CNTN4: variants seen among roughly 807,000 people sequenced by gnomAD.
CNTN4 encodes the protein contactin-4.
In CNTN4, 77 loss-of-function variants were observed where a neutral mutation model predicts 122.5. The observed-to-expected ratio is 0.63, with a 90% CI of 0.52 to 0.76. The LOEUF (loss-of-function observed/expected upper bound fraction) is 0.76, where lower values mean the gene tolerates loss of function less well. Ranked by LOEUF, CNTN4 falls within the 30% of genes least tolerant of loss-of-function variation. The pLI, the probability that CNTN4 is intolerant of heterozygous loss-of-function variation, is 0.00. For synonymous variants in CNTN4, 512 were observed against 447.0 expected (o/e 1.15, Z -1.83); for missense variants, 1,256 against 1,259.1 (o/e 1.00, Z 0.04).
chr3:2,535,852 C>G (rs1180347831), intron 3 of CNTN4, among the ~76,000 whole-genome samples: 4 of 152,130 alleles, frequency 2.6e-5, no homozygotes, highest in Admixed American at 2.6e-4. Flanking sequence ...CAGTAGTACA[C>G]TTTCAAAATG....
At chr3:2,414,687 T>C (rs539135062) in intron 3 of CNTN4, among the ~76,000 whole-genome samples, 2 of 152,276 alleles carry the variant, frequency 1.3e-5, no homozygotes, top group East Asian at 3.9e-4. Context: ...TTTCCCAAAA[T>C]TATCATACCT....
intron 3 of CNTN4, among the ~76,000 whole-genome samples, chr3:2,407,022 T>A (rs919676191): frequency 6.6e-6 from 1 of 152,180 alleles, no homozygotes; most frequent in African/African-American, 2.4e-5. Context: ...TTATTAGGAT[T>A]TTTTTACATG....
Position 2,182,765 on chromosome 3 carries a change from A to T in CNTN4, c.-145+82126A>T, listed in dbSNP as rs185152634. Among the ~76,000 whole-genome samples, 95 of 152,082 alleles carry T rather than the reference A, an allele frequency of 6.2e-4. 1 individual carries two copies. The highest frequency in any genetic ancestry group is 2.2e-3 in the African/African-American group (91 of 41,536). On this transcript the variant is annotated intron_variant, in intron 2 of 24. Coordinates refer to ENST00000418658, the MANE Select transcript of CNTN4 (RefSeq NM_175607.3). ...GCTATTTTCCAAGCAAAACTTCCGC[A>T]TAAGTTTGTTTTTGTCTTGGTTGAG...
intron 7 of CNTN4, among the ~76,000 whole-genome samples, chr3:2,859,424 T>C (rs2093650212): frequency 6.6e-6 from 1 of 152,204 alleles, no homozygotes; most frequent in African/African-American, 2.4e-5. Context: ...AGTTTCATAA[T>C]ATAGGGAAAC....
chr3:2,106,010 G>A (rs1339152391), intron 2 of CNTN4, among the ~76,000 whole-genome samples: 1 of 152,208 alleles, frequency 6.6e-6, no homozygotes, highest in African/African-American at 2.4e-5. Flanking sequence ...CTGAAACCAG[G>A]CGGGGCAGTT....
At chr3:2,301,525 T>C (rs1359102951) in intron 2 of CNTN4, among the ~76,000 whole-genome samples, 1 of 152,254 alleles carries the variant, frequency 6.6e-6, no homozygotes, top group Non-Finnish European at 1.5e-5. Context: ...TTGTTCTTTT[T>C]CATACCAGAG....
chr3:2,457,826 C>T (rs1439868576), intron 3 of CNTN4, among the ~76,000 whole-genome samples: 1 of 152,102 alleles, frequency 6.6e-6, no homozygotes, highest in Non-Finnish European at 1.5e-5. Flanking sequence ...GTTTACATCC[C>T]AAGTGTGAGA....
chr3:2,605,218 TTTTGAACTCCTGGTCTAAAGTG>T (rs1442323956), intron 4 of CNTN4, among the ~76,000 whole-genome samples: 5 of 152,132 alleles, frequency 3.3e-5, no homozygotes, highest in Non-Finnish European at 7.4e-5. Context: ...ACAAGGCTGG[TTTTGAACTCCTGGTCTAAAGTG>T]TTCCCGAGTT....
chr3:2,171,678 T>C (rs2036521498), intron 2 of CNTN4, among the ~76,000 whole-genome samples: 1 of 152,156 alleles, frequency 6.6e-6, no homozygotes, highest in Admixed American at 6.5e-5. Context: ...AAAGCGCAGG[T>C]AAGTACACTC....
At chr3:2,489,822 A>G (rs2076264207) in intron 3 of CNTN4, among the ~76,000 whole-genome samples, 3 of 152,020 alleles carry the variant, frequency 2.0e-5, no homozygotes, top group Admixed American at 6.6e-5. Context: ...CCCTTCCAAC[A>G]TTCTCTGTTT....
At chr3:2,600,977 C>T (rs559529579) in intron 4 of CNTN4, among the ~76,000 whole-genome samples, 24 of 152,172 alleles carry the variant, frequency 1.6e-4, no homozygotes, top group Admixed American at 1.1e-3. Flanking sequence ...TTTCATGTGT[C>T]TGTTGGCTGC....
intron 3 of CNTN4, chr3:2,362,412 A>G: frequency 5.6e-6 from 2 of 356,774 alleles, no homozygotes; most frequent in Non-Finnish European, 5.5e-6. Flanking sequence ...GTGTAGCCCC[A>G]ACCATCTTCT....
At chr3:2,354,629 T>C (rs1267822658) in intron 3 of CNTN4, among the ~76,000 whole-genome samples, 1 of 152,180 alleles carries the variant, frequency 6.6e-6, no homozygotes, top group Non-Finnish European at 1.5e-5. Context: ...AGCAACTATT[T>C]GCAGTGAAGT....
At chr3:2,873,402 G>A (rs2093808022) in intron 8 of CNTN4, among the ~76,000 whole-genome samples, 1 of 152,170 alleles carries the variant, frequency 6.6e-6, no homozygotes, top group South Asian at 2.1e-4. Context: ...AAAACTAGGT[G>A]CATTCAGTCT....
At chr3:2,338,852 AT>A (rs1422305622) in intron 2 of CNTN4, among the ~76,000 whole-genome samples, 13 of 152,052 alleles carry the variant, frequency 8.5e-5, no homozygotes, top group Non-Finnish European at 1.2e-4. Context: ...CTCTTAAGAA[AT>A]TGTCTCTTTT....
At chr3:2,281,004 C>G (rs181295891) in intron 2 of CNTN4, among the ~76,000 whole-genome samples, 3 of 152,128 alleles carry the variant, frequency 2.0e-5, no homozygotes, top group African/African-American at 2.4e-5. Context: ...TTTTCACACT[C>G]TTGACAGTTT....
chr3:2,789,566 A>G (rs937856752), intron 6 of CNTN4, among the ~76,000 whole-genome samples: 3 of 152,124 alleles, frequency 2.0e-5, no homozygotes, highest in Non-Finnish European at 4.4e-5. Flanking sequence ...CTGAATAGCT[A>G]GGATTACAGG....
At chr3:2,109,489 A>AC (rs2032773527) in intron 2 of CNTN4, among the ~76,000 whole-genome samples, 1 of 152,144 alleles carries the variant, frequency 6.6e-6, no homozygotes, top group African/African-American at 2.4e-5. Context: ...TGTAACTTGC[A>AC]CACTTGTATT....
chr3:2,982,499 T>G (rs1694124540), intron 13 of CNTN4, among the ~76,000 whole-genome samples: 1 of 152,214 alleles, frequency 6.6e-6, no homozygotes, highest in South Asian at 2.1e-4. Flanking sequence ...TCTCTCTTTC[T>G]CTTGGGCTCT....
Sources: gnomAD v4.1 joint callset for allele counts (sites outside exome capture counted in the v4.1 genomes callset) on GRCh38, gnomAD v4.1.1 for gene constraint, MANE v1.5 for transcripts, NCBI Gene and HGNC (gene_info 2026-07-23, HGNC 2026-07-21) for gene names.